The following RPA2 variants were observed in gnomAD, a reference collection of about 807,000 sequenced individuals.
The protein encoded by RPA2 is replication protein A 32 kDa subunit.
In RPA2, 22 loss-of-function variants were observed where a neutral mutation model predicts 33.4. That is an observed-to-expected ratio of 0.66 (90% CI 0.47 to 0.94). RPA2 has a LOEUF of 0.94. RPA2 is among the 40% of genes least tolerant of loss of function. The pLI is 0.00. For synonymous variants in RPA2, 109 were observed against 114.9 expected, an observed-to-expected ratio of 0.95 and a Z score of 0.33; for missense variants, 279 against 329.9, an observed-to-expected ratio of 0.85 and a Z score of 1.19.
Position 27,894,271 on chromosome 1 carries a change from C to G in RPA2, c.633+19G>C, listed in dbSNP as rs773053864. The G allele has an allele frequency of 1.9e-6, 3 of 1,605,556 alleles. No individual in the cohort carries two copies. In the Admixed American group the frequency reaches 5.0e-5, roughly 27 times the overall value. On this transcript the variant is annotated intron_variant, in intron 7 of 8. Transcript: ENST00000373912. ...CTATCTGTGTTTTGTATTTCTGAAG[C>G]CACTCTGGTGGAGGTTACCTGGTTT...
At chr1:27,902,376 T>A (rs547945068) in intron 4 of RPA2, among the ~76,000 whole-genome samples, 26 of 150,634 alleles carry the variant, frequency 1.7e-4, no homozygotes, top group Non-Finnish European at 3.4e-4. Context: ...CTCTGCCTCC[T>A]GGGTTCAAGC....
chr1:27,911,126 G>T (rs1036420548), intron 2 of RPA2, among the ~76,000 whole-genome samples: 1 of 152,084 alleles, frequency 6.6e-6, no homozygotes, highest in South Asian at 2.1e-4. Context: ...TGAGGCAGGA[G>T]AATCGCTTGA....
chr1:27,901,065 G>A (rs1002196256), intron 4 of RPA2, among the ~76,000 whole-genome samples: 5 of 152,222 alleles, frequency 3.3e-5, no homozygotes, highest in African/African-American at 1.2e-4. Context: ...TGAGAAAGCA[G>A]TAGCAGGGTT....
At chr1:27,899,466 C>T (rs1175355201) in intron 4 of RPA2, among the ~76,000 whole-genome samples, 1 of 138,450 alleles carries the variant, frequency 7.2e-6, no homozygotes, top group Non-Finnish European at 1.5e-5. Flanking sequence ...TGTGCCACTG[C>T]ACTCCAGGCT....
At position 27,892,255 on chromosome 1, in the gene RPA2, G is replaced by GA; in HGVS notation, c.729-9dup. ...AGAAAATCCACAGCTTGCCTAGAAA[G>GA]AAAGAAGAAAAAAAAAAGGTCATTT... On this transcript the variant is annotated splice_polypyrimidine_tract_variant and intron_variant, in intron 8 of 8. Coordinates refer to ENST00000373912, the MANE Select transcript of RPA2 (RefSeq NM_002946.5). The GA allele has an allele frequency of 6.3e-7, 1 of 1,594,024 alleles. No homozygotes were observed. Among genetic ancestry groups the GA allele is most frequent in the Non-Finnish European group, 8.5e-7 (1 of 1,169,784 alleles).
At chr1:27,893,800 G>A (rs112334256) in intron 8 of RPA2, among the ~76,000 whole-genome samples, 5,687 of 151,048 alleles carry the variant, frequency 0.038, 183 homozygotes, top group Non-Finnish European at 0.054. Flanking sequence ...TAGAAACGGG[G>A]TTTTCACCAT....
chr1:27,914,638 T>C (rs750920829), upstream of RPA2: 1 of 1,613,932 alleles, frequency 6.2e-7, no homozygotes, highest in Non-Finnish European at 8.5e-7. Flanking sequence ...GATGCTACGC[T>C]TGTTCCTGTC....
chr1:27,894,183 G>A (rs2089860785), intron 7 of RPA2, 77 bp from the exon 8 acceptor site: 1 of 1,496,214 alleles, frequency 6.7e-7, no homozygotes. Flanking sequence ...TCCCTTTATA[G>A]AAAAGAAATG....
intron 2 of RPA2, among the ~76,000 whole-genome samples, chr1:27,909,355 A>G (rs1282497976): frequency 6.6e-6 from 1 of 152,166 alleles, no homozygotes; most frequent in East Asian, 1.9e-4. Flanking sequence ...AGCTCAGTCA[A>G]CCGCTGGCAC....
chr1:27,896,687 G>C (rs1293322366), intron 6 of RPA2, among the ~76,000 whole-genome samples: 1 of 152,148 alleles, frequency 6.6e-6, no homozygotes, highest in Non-Finnish European at 1.5e-5. Context: ...TACTCTCTGA[G>C]TATGCACTGA....
rs775194824 is a variant in RPA2 at position 27,914,458 on chromosome 1, T to C, written c.-15A>G. ...CTGTTCCACATCTTGGTCACGATTC[T>C]CCGCAAAGAGGCCGAGAAGGTGCGG... On this transcript the variant is annotated 5_prime_UTR_variant, in exon 1 of 9. Coordinates refer to ENST00000373912, the MANE Select transcript of RPA2 (RefSeq NM_002946.5). The C allele has an allele frequency of 1.9e-6, 3 of 1,593,368 alleles. No homozygotes were observed. In the East Asian group the frequency reaches 6.7e-5, roughly 36 times the overall value.
chr1:27,911,379 T>G (rs908695160), intron 2 of RPA2, among the ~76,000 whole-genome samples: 2 of 151,982 alleles, frequency 1.3e-5, no homozygotes, highest in Non-Finnish European at 2.9e-5. Context: ...AAAAAAAAAT[T>G]CAGAGACTGG....
intron 6 of RPA2, among the ~76,000 whole-genome samples, chr1:27,896,362 C>T (rs1314115237): frequency 1.3e-5 from 2 of 151,964 alleles, no homozygotes; most frequent in African/African-American, 2.4e-5. Context: ...GAGACAGGGT[C>T]TCCCTATGTT....
At chr1:27,907,952 G>A (rs28988916) in intron 2 of RPA2, among the ~76,000 whole-genome samples, 67 of 152,044 alleles carry the variant, frequency 4.4e-4, no homozygotes, top group African/African-American at 1.5e-3. Context: ...GGGCTCAAGC[G>A]ATTCTCCTGG....
At chr1:27,911,811 G>A (rs933874614) in intron 2 of RPA2, among the ~76,000 whole-genome samples, 2 of 152,148 alleles carry the variant, frequency 1.3e-5, no homozygotes, top group East Asian at 3.9e-4. Flanking sequence ...GTTATAAAGC[G>A]GCCGGGCACG....
At position 27,892,148 on chromosome 1, in the gene RPA2, C is replaced by T; in HGVS notation, c.*15G>A. ...GTCCAGCTGTAAAATATCTCAGGTA[C>T]CCAGTTAGATCCAGTTATTCTGCAT... On this transcript the variant is annotated 3_prime_UTR_variant, in exon 9 of 9. Coordinates refer to ENST00000373912, the MANE Select transcript of RPA2 (RefSeq NM_002946.5). 1 of 1,597,578 alleles carries T rather than the reference C, an allele frequency of 6.3e-7. No individual in the cohort carries two copies. The highest frequency in any genetic ancestry group is 8.6e-7 in the Non-Finnish European group (1 of 1,165,874).
At position 27,892,078 on chromosome 1, in the gene RPA2, TG is replaced by T; in HGVS notation, c.*84del. The T allele has an allele frequency of 9.0e-7, 1 of 1,108,802 alleles. No homozygotes were observed. Among genetic ancestry groups the T allele is most frequent in the Non-Finnish European group, 1.3e-6 (1 of 747,340 alleles). 68.7% of individuals were successfully genotyped at this position (1,108,802 alleles called of 1,614,324 possible). Reference sequence around the variant, plus strand: ...TGAAACCTACTTCCTAGAAGCCCCCTGGCCAGACATATGCAGAGCTGGAGAC... The same window carrying T: ...TGAAACCTACTTCCTAGAAGCCCCCTGCCAGACATATGCAGAGCTGGAGAC... On this transcript the variant is annotated 3_prime_UTR_variant, in exon 9 of 9. Coordinates refer to ENST00000373912, the MANE Select transcript of RPA2 (RefSeq NM_002946.5).
chr1:27,894,285 G>T lies in RPA2; in HGVS notation c.633+5C>A, dbSNP rs1057334130. ...TATTTCTGAAGCCACTCTGGTGGAGGTTACCTGGTTTTGGGCCACAGTGAG... is the reference window on the plus strand; with the variant it reads ...TATTTCTGAAGCCACTCTGGTGGAGTTTACCTGGTTTTGGGCCACAGTGAG... On this transcript the variant is annotated splice_donor_5th_base_variant and intron_variant, in intron 7 of 8. Coordinates refer to ENST00000373912, the MANE Select transcript of RPA2 (RefSeq NM_002946.5). The T allele has an allele frequency of 1.2e-6, 2 of 1,612,428 alleles. No individual in the cohort carries two copies. Among genetic ancestry groups the T allele is most frequent in the Non-Finnish European group, 1.7e-6 (2 of 1,179,112 alleles).
At chr1:27,893,513 G>A (rs1447325574) in intron 8 of RPA2, among the ~76,000 whole-genome samples, 6 of 152,006 alleles carry the variant, frequency 3.9e-5, no homozygotes, top group African/African-American at 7.2e-5. Flanking sequence ...GTTTCGCCAC[G>A]TTGCCCAGGC....
Sources: allele counts gnomAD v4.1 joint callset (sites outside exome capture counted in the v4.1 genomes callset), GRCh38; gene constraint gnomAD v4.1.1; transcripts MANE v1.5; gene names NCBI Gene and HGNC (gene_info 2026-07-23, HGNC 2026-07-21).